Variants in RNF157 observed in about 807,000 individuals in gnomAD.
RNF157 encodes the protein ring finger protein 157, also known as E3 ubiquitin ligase RNF157.
A neutral mutation model predicts 88.3 loss-of-function variants in RNF157; 55 were observed. The observed-to-expected ratio is 0.62, with a 90% CI of 0.50 to 0.78. The LOEUF is 0.78. Among genes scored for constraint, RNF157 ranks in the 30% least tolerant of loss-of-function variants. The pLI is 0.00. For missense variants in RNF157, 788 were observed against 860.8 expected, an observed-to-expected ratio of 0.92 and a Z score of 1.06; for synonymous variants, 334 against 341.2, an observed-to-expected ratio of 0.98 and a Z score of 0.23.
At chr17:76,226,892 G>A (rs1598444576) in intron 1 of RNF157, 2 of 1,162,046 alleles carry the variant, frequency 1.7e-6, no homozygotes, top group East Asian at 2.4e-5. Flanking sequence ...TGAATGCCGT[G>A]GGAAGCGCCA....
At chr17:76,179,057 T>C (rs1229378738) in intron 2 of RNF157, among the ~76,000 whole-genome samples, 1 of 152,188 alleles carries the variant, frequency 6.6e-6, no homozygotes. Flanking sequence ...GTCCACACTA[T>C]CTCCTCAATA....
chr17:76,224,243 G>A (rs1451401359), intron 1 of RNF157, among the ~76,000 whole-genome samples: 1 of 152,108 alleles, frequency 6.6e-6, no homozygotes, highest in Non-Finnish European at 1.5e-5. Flanking sequence ...TTAAGTTTTT[G>A]GGACATATTC....
At chr17:76,222,876 G>A (rs1248316358) in intron 1 of RNF157, among the ~76,000 whole-genome samples, 2 of 151,882 alleles carry the variant, frequency 1.3e-5, no homozygotes, top group East Asian at 1.9e-4. Flanking sequence ...TGTGGAAGAC[G>A]AGCCAAATGT....
intron 2 of RNF157, among the ~76,000 whole-genome samples, chr17:76,177,657 A>G (rs573370246): frequency 6.6e-6 from 1 of 152,078 alleles, no homozygotes; most frequent in African/African-American, 2.4e-5. Flanking sequence ...AGGCCTGCCC[A>G]TGGATGCCCA....
intron 6 of RNF157, among the ~76,000 whole-genome samples, chr17:76,166,138 C>T (rs1217538338): frequency 6.6e-6 from 1 of 152,138 alleles, no homozygotes; most frequent in East Asian, 1.9e-4. Context: ...CCATACCCAG[C>T]TGATTTTTGT....
intron 12 of RNF157, among the ~76,000 whole-genome samples, chr17:76,158,838 T>C (rs2068806275): frequency 6.6e-6 from 1 of 152,202 alleles, no homozygotes; most frequent in South Asian, 2.1e-4. Flanking sequence ...GTTTTACTTT[T>C]AGCTCCTCTG....
intron 2 of RNF157, among the ~76,000 whole-genome samples, chr17:76,188,876 A>G (rs866927413): frequency 2.6e-5 from 4 of 152,212 alleles, no homozygotes; most frequent in Non-Finnish European, 5.9e-5. Flanking sequence ...GCAATAAGTC[A>G]TGTGATATTA....
intron 1 of RNF157, among the ~76,000 whole-genome samples, chr17:76,214,183 G>A (rs898268610): frequency 1.3e-5 from 2 of 152,066 alleles, no homozygotes; most frequent in Admixed American, 6.6e-5. Context: ...CCTGTGGGAT[G>A]GGACACTATC....
intron 1 of RNF157, among the ~76,000 whole-genome samples, chr17:76,227,409 C>T (rs1204272280): frequency 6.6e-6 from 1 of 151,944 alleles, no homozygotes; most frequent in Non-Finnish European, 1.5e-5. Flanking sequence ...GCGTGAGTCA[C>T]TGCGCCTGGC....
At chr17:76,200,060 AC>A (rs2069547165) in intron 2 of RNF157, among the ~76,000 whole-genome samples, 1 of 151,818 alleles carries the variant, frequency 6.6e-6, no homozygotes. Context: ...ACATAGTGAA[AC>A]CCCGTCTCTA....
At position 76,158,449 on chromosome 17, in the gene RNF157, A is replaced by C; in HGVS notation, c.1357T>G (p.Cys453Gly). 2 of 1,614,064 alleles carry C rather than the reference A, an allele frequency of 1.2e-6. No homozygotes were observed. The highest frequency in any genetic ancestry group is 1.7e-6 in the Non-Finnish European group (2 of 1,179,964). The change falls in exon 13 of 19, where the codon TGC (cysteine) becomes GGC (glycine). Residue 453 changes from cysteine (C) to glycine (G), a missense_variant. By Grantham distance (159) the Cys-to-Gly change is radical. Transcript: ENST00000269391. ...GAGAGCTGTGTCTCCGACTCGCTGCAGGAATGCTCATCTTCCTCTTCATGC... is the reference window on the plus strand; with the variant it reads ...GAGAGCTGTGTCTCCGACTCGCTGCCGGAATGCTCATCTTCCTCTTCATGC... ...VLHEEEDEHS[C>G]SESETQLSQR...
intron 17 of RNF157, among the ~76,000 whole-genome samples, chr17:76,152,859 C>T (rs1022806724): frequency 6.6e-6 from 1 of 152,182 alleles, no homozygotes; most frequent in South Asian, 2.1e-4. Context: ...CTGCATCTGC[C>T]TTGGGTGTGA....
intron 2 of RNF157, among the ~76,000 whole-genome samples, chr17:76,179,237 A>G (rs1385137725): frequency 6.6e-6 from 1 of 152,074 alleles, no homozygotes; most frequent in African/African-American, 2.4e-5. Context: ...CCCACAAAAA[A>G]TGTAGAACTT....
chr17:76,156,923 G>A (rs1051931118), intron 13 of RNF157, among the ~76,000 whole-genome samples: 5 of 151,314 alleles, frequency 3.3e-5, no homozygotes, highest in African/African-American at 4.9e-5. Context: ...CCCTCCAGGC[G>A]CTCCTCTTTT....
At chr17:76,226,809 T>C in intron 1 of RNF157, 3 of 1,536,824 alleles carry the variant, frequency 2.0e-6, no homozygotes, top group Non-Finnish European at 2.6e-6. Flanking sequence ...TCGGTCATGT[T>C]GCGGTGCTTT....
Position 76,159,502 on chromosome 17 carries a change from C to A in RNF157, c.1137G>T (p.Pro379=), listed in dbSNP as rs142752677. The change falls in exon 12 of 19, where the codon CCG becomes CCT. Residue 379 remains proline, a synonymous_variant. Coordinates refer to ENST00000269391, the MANE Select transcript of RNF157 (RefSeq NM_052916.3). ...LLEALNGPLT[P]SPAVPPLHVL... is the part of the protein sequence containing the mutation. Reference sequence around the variant, plus strand: ...CGTGAAGTGGAGGAACTGCTGGGGACGGGGTGAGGGGCCCGTTGAGGGCCT... The same window carrying A: ...CGTGAAGTGGAGGAACTGCTGGGGAAGGGGTGAGGGGCCCGTTGAGGGCCT... 6.2e-7 allele frequency: 1 copy of A among 1,608,746 alleles called. No homozygotes were observed. Among genetic ancestry groups the A allele is most frequent in the Non-Finnish European group, 8.5e-7 (1 of 1,178,252 alleles).
chr17:76,182,218 C>T (rs1051290443), intron 2 of RNF157, among the ~76,000 whole-genome samples: 5 of 152,174 alleles, frequency 3.3e-5, no homozygotes, highest in African/African-American at 1.2e-4. Context: ...TTGGGCTCAG[C>T]CAGAAGACCT....
chr17:76,158,697 G>A (rs997511607), intron 12 of RNF157, among the ~76,000 whole-genome samples, 196 bp from the exon 13 acceptor site: 3 of 152,196 alleles, frequency 2.0e-5, no homozygotes, highest in African/African-American at 7.2e-5. Context: ...TAACAGAGGA[G>A]GAGTACAGCC....
chr17:76,191,967 A>G (rs2069394406), intron 2 of RNF157, among the ~76,000 whole-genome samples: 2 of 152,206 alleles, frequency 1.3e-5, no homozygotes, highest in Admixed American at 1.3e-4. Flanking sequence ...ACAGACTTTT[A>G]TATAACAGTT....
Sources: allele counts gnomAD v4.1 joint callset (sites outside exome capture counted in the v4.1 genomes callset), GRCh38; gene constraint gnomAD v4.1.1; transcripts MANE v1.5; gene names NCBI Gene and HGNC (gene_info 2026-07-23, HGNC 2026-07-21).